UBASH3B: variants seen among roughly 807,000 people sequenced by gnomAD.
UBASH3B encodes ubiquitin-associated and SH3 domain-containing protein B.
Under a neutral mutation model 83.4 loss-of-function variants are expected in UBASH3B, and 37 were observed. The ratio of observed to expected loss-of-function variants is 0.44; its 90% CI spans 0.34 to 0.58. UBASH3B has a LOEUF of 0.58. Ranked by LOEUF, UBASH3B falls within the 20% of genes least tolerant of loss-of-function variation. The pLI, the probability that UBASH3B is intolerant of heterozygous loss-of-function variation, is 0.01. For missense variants in UBASH3B, 657 were observed against 827.2 expected (o/e 0.79, Z 2.52); for synonymous variants, 304 against 318.3 (o/e 0.96, Z 0.48).
chr11:122,668,180 G>A (rs951150766), intron 1 of UBASH3B, among the ~76,000 whole-genome samples: 2 of 152,014 alleles, frequency 1.3e-5, no homozygotes, highest in Non-Finnish European at 2.9e-5. Context: ...TAGAGTTGGG[G>A]TTTCACTATG....
chr11:122,751,342 G>A (rs1189610329), intron 1 of UBASH3B, among the ~76,000 whole-genome samples: 2 of 152,186 alleles, frequency 1.3e-5, no homozygotes, highest in African/African-American at 4.8e-5. Flanking sequence ...TGCGGTCCAC[G>A]CCCCAGGAGC....
At chr11:122,691,698 CA>C (rs1378385167) in intron 1 of UBASH3B, among the ~76,000 whole-genome samples, 4 of 152,200 alleles carry the variant, frequency 2.6e-5, no homozygotes, top group Non-Finnish European at 4.4e-5. Flanking sequence ...GGGTATTTTA[CA>C]AATGAAAAAG....
chr11:122,794,639 C>T, intron 6 of UBASH3B, 63 bp from the exon 7 acceptor site: 1 of 1,607,134 alleles, frequency 6.2e-7, no homozygotes. Flanking sequence ...CTGTTGAGCC[C>T]AGGAGGAAGT....
chr11:122,808,092 C>G lies in UBASH3B; in HGVS notation c.1728C>G (p.His576Gln). Reference protein sequence around the residue: ...SKGNNILIVAHASSLEACTCQ... With the variant: ...SKGNNILIVAQASSLEACTCQ... ...GAAATAACATCCTGATTGTGGCCCA[C>G]GCATCTTCCCTTGAAGCGTGTACCT... The change falls in exon 13 of 14, where the codon CAC (histidine) becomes CAG (glutamine). Residue 576 changes from histidine (H) to glutamine (Q), a missense_variant. Physicochemically the swap from His to Gln is conservative, Grantham distance 24. This residue lies in a region of UBASH3B where 573 missense variants were observed against 739.0 expected (regional missense o/e 0.78). Transcript: ENST00000284273. 6.2e-7 allele frequency: 1 copy of G among 1,614,102 alleles called. No individual in the cohort carries two copies. The highest frequency in any genetic ancestry group is 8.5e-7 in the Non-Finnish European group (1 of 1,179,958).
At chr11:122,742,657 A>C (rs4144902) in intron 1 of UBASH3B, among the ~76,000 whole-genome samples, 86,123 of 151,764 alleles carry the variant, frequency 0.57, 24,681 homozygotes, top group South Asian at 0.63. Flanking sequence ...CTTGGTCAGG[A>C]ATATAGCACG....
Position 122,656,024 on chromosome 11 carries a change from C to A in UBASH3B, c.-26C>A. 6.5e-7 allele frequency: 1 copy of A among 1,537,842 alleles called. No individual in the cohort carries two copies. The highest frequency in any genetic ancestry group is 1.2e-5 in the South Asian group (1 of 82,816). On this transcript the variant is annotated 5_prime_UTR_variant, in exon 1 of 14. Transcript: ENST00000284273. ...CCGAACCATCCGGCTCGGGCTCCTTCCCTGGCGATGGCTGGCCGCTGAGCC... is the reference window on the plus strand; with the variant it reads ...CCGAACCATCCGGCTCGGGCTCCTTACCTGGCGATGGCTGGCCGCTGAGCC...
chr11:122,734,614 C>A (rs1860901868), intron 1 of UBASH3B, among the ~76,000 whole-genome samples: 1 of 152,136 alleles, frequency 6.6e-6, no homozygotes, highest in Non-Finnish European at 1.5e-5. Flanking sequence ...ACTCCAACGA[C>A]TGCCTTGGTT....
chr11:122,705,651 T>C (rs572567362), intron 1 of UBASH3B, among the ~76,000 whole-genome samples: 1 of 152,134 alleles, frequency 6.6e-6, no homozygotes, highest in Admixed American at 6.5e-5. Context: ...GGCGCTACCG[T>C]CACAAATGTG....
rs71054088 is a variant in UBASH3B at position 122,694,954 on chromosome 11, C to CTTTTTTTTTTTTTTTT, written c.161+38756_161+38771dup. Among the ~76,000 whole-genome samples the CTTTTTTTTTTTTTTTT allele has an allele frequency of 1.1e-3, 55 of 50,414 alleles. 8 individuals carry two copies. The highest frequency in any genetic ancestry group is 1.5e-3 in the Non-Finnish European group (41 of 28,040). 33.1% of individuals were successfully genotyped at this position (50,414 alleles called of 152,430 possible). A position where few individuals can be genotyped will look rare whatever the true frequency, so the allele number is the denominator to read the frequency against. On this transcript the variant is annotated intron_variant, in intron 1 of 13. Transcript: ENST00000284273. ...TATTTATTTTTCTTTTCTTTTCTTT[C>CTTTTTTTTTTTTTTTT]TTTTTTTTTTTTTTTTTTTTTTTTT...
chr11:122,755,638 G>T (rs913675857), intron 1 of UBASH3B, among the ~76,000 whole-genome samples: 3 of 152,124 alleles, frequency 2.0e-5, no homozygotes, highest in Admixed American at 2.0e-4. Context: ...ACTCTGTGAG[G>T]GAGGCCATAT....
intron 6 of UBASH3B, among the ~76,000 whole-genome samples, chr11:122,793,100 G>C (rs1861088579): frequency 6.6e-6 from 1 of 152,072 alleles, no homozygotes; most frequent in Admixed American, 6.6e-5. Context: ...AAAATTATGG[G>C]CCAGGTGCAG....
chr11:122,713,375 GA>G (rs1396699861), intron 1 of UBASH3B, among the ~76,000 whole-genome samples: 1 of 152,112 alleles, frequency 6.6e-6, no homozygotes, highest in Admixed American at 6.5e-5. Context: ...GGCATCAGAC[GA>G]ATGCATGTGA....
chr11:122,737,403 G>T (rs576678989), intron 1 of UBASH3B, among the ~76,000 whole-genome samples: 2 of 152,280 alleles, frequency 1.3e-5, no homozygotes, highest in South Asian at 4.2e-4. Context: ...CACATGGACA[G>T]GACCTAATGA....
chr11:122,808,193 C>T lies in UBASH3B; in HGVS notation c.1812+17C>T, dbSNP rs374944910. On this transcript the variant is annotated intron_variant, in intron 13 of 13. Transcript: ENST00000284273. ...GTCCGAAAGGTAATTCATTCTCGTACTTTGGGGTCCGTGATGGCTAGTAGT... is the reference window on the plus strand; with the variant it reads ...GTCCGAAAGGTAATTCATTCTCGTATTTTGGGGTCCGTGATGGCTAGTAGT... The T allele has an allele frequency of 2.4e-5, 38 of 1,602,040 alleles. No individual in the cohort carries two copies. The African/African-American group carries it at 4.8e-4, about 20-fold the overall frequency.
Position 122,759,628 on chromosome 11 carries a change from G to A in UBASH3B, c.162-16591G>A, listed in dbSNP as rs1861337331. ...CTGTGGGTGATGGGAGACAATGACA[G>A]ACTATCAGGCATTAGATTCTCCTGA... On this transcript the variant is annotated intron_variant, in intron 1 of 13. Transcript: ENST00000284273. This position sits in a 1 kb window ranked among gnomAD's most constrained non-coding sequence, Gnocchi z 4.1. Among the ~76,000 whole-genome samples the A allele has an allele frequency of 1.3e-5, 2 of 152,216 alleles. No individual in the cohort carries two copies. Among genetic ancestry groups the A allele is most frequent in the Non-Finnish European group, 2.9e-5 (2 of 68,034 alleles).
chr11:122,774,393 C>A, intron 1 of UBASH3B: 2 of 811,732 alleles, frequency 2.5e-6, no homozygotes, highest in Non-Finnish European at 3.0e-6. Context: ...TTCTGTGGAG[C>A]AGAACAACAG....
At chr11:122,798,468 T>G (rs1244048820) in intron 9 of UBASH3B, among the ~76,000 whole-genome samples, 1 of 151,864 alleles carries the variant, frequency 6.6e-6, no homozygotes, top group African/African-American at 2.4e-5. Context: ...ATCCCAGCAC[T>G]TTGGGAGGCT....
intron 1 of UBASH3B, among the ~76,000 whole-genome samples, chr11:122,670,731 C>A (rs566639996): frequency 6.6e-6 from 1 of 152,172 alleles, no homozygotes; most frequent in African/African-American, 2.4e-5. Context: ...TCCTCAAGAC[C>A]TAGATGGAGC....
chr11:122,805,055 C>T (rs1861314588), intron 11 of UBASH3B, among the ~76,000 whole-genome samples: 1 of 152,192 alleles, frequency 6.6e-6, no homozygotes, highest in African/African-American at 2.4e-5. Context: ...TTTCACGCTG[C>T]TGACAAAGAC....
Sources: gnomAD v4.1 joint callset for allele counts (sites outside exome capture counted in the v4.1 genomes callset) on GRCh38, gnomAD v4.1.1 for gene constraint, gnomAD v4.1.1 regional missense constraint, Gnocchi (gnomAD v3.1) non-coding constraint, MANE v1.5 for transcripts, NCBI Gene and HGNC (gene_info 2026-07-23, HGNC 2026-07-21) for gene names.